TRAFD1: variants seen among roughly 807,000 people sequenced by gnomAD.
TRAFD1 encodes the protein TRAF-type zinc finger domain-containing protein 1.
TRAFD1 carries 38 observed loss-of-function variants against 65.3 expected under a neutral mutation model. That is an observed-to-expected ratio of 0.58 (90% CI 0.45 to 0.76). TRAFD1 has a LOEUF of 0.76. TRAFD1 is among the 30% of genes least tolerant of loss of function. The pLI is 0.00. For synonymous variants in TRAFD1, 223 were observed against 257.2 expected (o/e 0.87, Z 1.27); for missense variants, 631 against 712.6 (o/e 0.89, Z 1.30).
Position 112,141,221 on chromosome 12 carries a change from C to T in TRAFD1, c.640C>T (p.Leu214=), listed in dbSNP as rs1316734694. The change falls in exon 5 of 12, where the codon CTG becomes TTG. Residue 214 remains leucine (L), a synonymous_variant. Coordinates refer to ENST00000412615, the MANE Select transcript of TRAFD1 (RefSeq NM_006700.3). ...ITAQVSIQNN[L]FEEQERQERN... ...AGCCCAGGTTTCAATTCAGAATAAT[C>T]TGTGTGAGTTGTGCTTGGGATTAGG... 1 of 1,613,700 alleles carries T rather than the reference C, an allele frequency of 6.2e-7. No homozygotes were observed. Among genetic ancestry groups the T allele is most frequent in the Admixed American group, 1.7e-5 (1 of 59,984 alleles).
At chr12:112,128,986 G>T in intron 1 of TRAFD1, among the ~76,000 whole-genome samples, 1 of 142,634 alleles carries the variant, frequency 7.0e-6, no homozygotes. Flanking sequence ...AGCCGAGATC[G>T]CACCACTGCA....
At chr12:112,146,995 T>TG (rs2030267188) in intron 7 of TRAFD1, among the ~76,000 whole-genome samples, 1 of 119,588 alleles carries the variant, frequency 8.4e-6, no homozygotes, top group African/African-American at 3.2e-5. Context: ...CTGTTTTTTT[T>TG]TTTTTTTTTT....
Position 112,152,886 on chromosome 12 carries a change from G to T in TRAFD1, c.*95G>T. 1 of 1,433,082 alleles carries T rather than the reference G, an allele frequency of 7.0e-7. No homozygotes were observed. The highest frequency in any genetic ancestry group is 9.6e-7 in the Non-Finnish European group (1 of 1,044,902). 88.8% of individuals were successfully genotyped at this position (1,433,082 alleles called of 1,614,324 possible). On this transcript the variant is annotated 3_prime_UTR_variant, in exon 12 of 12. Transcript: ENST00000412615. This position sits in a 1 kb window ranked among gnomAD's most constrained non-coding sequence, Gnocchi z 5.0. The stretch of plus-strand genomic sequence containing the variant: ...CACCTCTTTGGCTCTTTGGGTGGGA[G>T]AGTTTTTCCAGATTTTAGATTTTTC...
chr12:112,145,789 C>T, intron 7 of TRAFD1, 127 bp downstream of exon 7: 1 of 809,922 alleles, frequency 1.2e-6, no homozygotes, highest in Non-Finnish European at 2.0e-6. Flanking sequence ...AGCAAGTGTT[C>T]TTTTCCATGA....
chr12:112,150,441 G>A (rs184570224), intron 9 of TRAFD1, among the ~76,000 whole-genome samples: 1 of 152,164 alleles, frequency 6.6e-6, no homozygotes, highest in Non-Finnish European at 1.5e-5. Flanking sequence ...TAGAGATAGG[G>A]TCTTGCTATG....
intron 2 of TRAFD1, among the ~76,000 whole-genome samples, chr12:112,131,346 G>A (rs1335190804): frequency 2.6e-5 from 4 of 152,152 alleles, no homozygotes; most frequent in African/African-American, 9.6e-5. Flanking sequence ...TATTTTATCA[G>A]TCCACTCCAA....
chr12:112,147,471 C>T (rs1313099295), intron 7 of TRAFD1, among the ~76,000 whole-genome samples: 1 of 151,946 alleles, frequency 6.6e-6, no homozygotes, highest in Non-Finnish European at 1.5e-5. Flanking sequence ...CATAGAAAAT[C>T]CATTAACAAA....
At chr12:112,151,564 TG>T (rs929331882) in intron 9 of TRAFD1, among the ~76,000 whole-genome samples, 7 of 152,018 alleles carry the variant, frequency 4.6e-5, no homozygotes, top group African/African-American at 1.7e-4. Context: ...TGGCTAATTT[TG>T]TATTTTTTTT....
In TRAFD1 at chr12:112,145,579, T is replaced by A; in HGVS notation, c.851-7T>A. On this transcript the variant is annotated splice_polypyrimidine_tract_variant and splice_region_variant and intron_variant, in intron 6 of 11. Transcript: ENST00000412615. ...TCCTGAGTCTCATTGTGTGGCCTAA[T>A]ACCTAGGTGCAGCTGACGAGATCAT... is the stretch of plus-strand genomic sequence containing the variant. The A allele has an allele frequency of 6.2e-7, 1 of 1,614,068 alleles. No individual in the cohort carries two copies. The highest frequency in any genetic ancestry group is 1.3e-5 in the African/African-American group (1 of 75,040).
rs1211764057 is a variant in TRAFD1, at chr12:112,152,264, G to A, written c.1619+124G>A. 7.1e-7 allele frequency: 1 copy of A among 1,409,116 alleles called. No individual in the cohort carries two copies. The highest frequency in any genetic ancestry group is 9.7e-7 in the Non-Finnish European group (1 of 1,034,654). The allele number at this position is 1,409,116 out of a possible 1,614,324, so 87.3% of individuals were successfully genotyped here. ...ACTTGCATGGTAAGGGGAGGAGTAT[G>A]GATTTTCCCTGTATTGTCACCTGAC... On this transcript the variant is annotated intron_variant, in intron 10 of 11. Transcript: ENST00000412615. The surrounding 1 kb of genome is among the most constrained non-coding windows in gnomAD (Gnocchi z 5.0).
At position 112,151,851 on chromosome 12, in the gene TRAFD1, G is replaced by GGGC; in HGVS notation, c.1331_1333dup (p.Gly444_Pro445insArg). 1 of 1,614,194 alleles carries GGGC rather than the reference G, an allele frequency of 6.2e-7. No homozygotes were observed. Among genetic ancestry groups the GGGC allele is most frequent in the African/African-American group, 1.3e-5 (1 of 75,042 alleles). On this transcript the variant is annotated inframe_insertion, in exon 10 of 12. Transcript: ENST00000412615. ...TGATACTAAGCAGGAAACAGCTAAT[G>GGGC]GGCCCACCTCCTGTCTGCCTCCCAG...
chr12:112,146,225 C>CAAAA (rs766339761), intron 7 of TRAFD1, among the ~76,000 whole-genome samples: 2 of 66,820 alleles, frequency 3.0e-5, no homozygotes, highest in African/African-American at 5.7e-5. Flanking sequence ...GAAATAACAG[C>CAAAA]AAAAAAAAAA....
At chr12:112,128,482 C>T (rs1409588081) in intron 1 of TRAFD1, among the ~76,000 whole-genome samples, 1 of 152,116 alleles carries the variant, frequency 6.6e-6, no homozygotes, top group Non-Finnish European at 1.5e-5. Flanking sequence ...GTAAAGTTGC[C>T]AGTGCTTTGC....
chr12:112,133,783 C>T (rs1460873489), intron 2 of TRAFD1, among the ~76,000 whole-genome samples: 2 of 150,968 alleles, frequency 1.3e-5, no homozygotes, highest in East Asian at 3.9e-4. Context: ...CAGCTTTCTG[C>T]AACCTCTGCC....
At chr12:112,149,919 T>C in intron 9 of TRAFD1, 48 bp downstream of exon 9, 2 of 1,608,108 alleles carry the variant, frequency 1.2e-6, no homozygotes, top group South Asian at 1.1e-5. Context: ...TACTGCTGGC[T>C]CCGGCCTGTT....
intron 4 of TRAFD1, among the ~76,000 whole-genome samples, chr12:112,136,907 T>C (rs2029927340): frequency 6.6e-6 from 1 of 152,220 alleles, no homozygotes; most frequent in South Asian, 2.1e-4. Context: ...CTGGCCAACG[T>C]TGAATGAGTA....
Position 112,152,880 on chromosome 12 carries a change from G to A in TRAFD1, c.*89G>A, listed in dbSNP as rs1042202329. On this transcript the variant is annotated 3_prime_UTR_variant, in exon 12 of 12. Transcript: ENST00000412615. This position sits in a 1 kb window ranked among gnomAD's most constrained non-coding sequence, Gnocchi z 5.0. Reference sequence around the variant, plus strand: ...CAGGCCCACCTCTTTGGCTCTTTGGGTGGGAGAGTTTTTCCAGATTTTAGA... The same window carrying A: ...CAGGCCCACCTCTTTGGCTCTTTGGATGGGAGAGTTTTTCCAGATTTTAGA... 6.8e-7 allele frequency: 1 copy of A among 1,472,706 alleles called. No individual in the cohort carries two copies. The allele number at this position is 1,472,706 out of a possible 1,614,324, so 91.2% of individuals were successfully genotyped here. A position where few individuals can be genotyped will look rare whatever the true frequency, so the allele number is the denominator to read the frequency against.
chr12:112,146,997 T>G (rs982483094), intron 7 of TRAFD1, among the ~76,000 whole-genome samples: 14 of 120,596 alleles, frequency 1.2e-4, no homozygotes, highest in African/African-American at 4.2e-4. Context: ...GTTTTTTTTT[T>G]TTTTTTTTTT....
chr12:112,143,775 G>A (rs537222449), intron 6 of TRAFD1, among the ~76,000 whole-genome samples: 64 of 127,028 alleles, frequency 5.0e-4, no homozygotes, highest in African/African-American at 1.9e-3. Context: ...CTCTGTCACC[G>A]AGGCTGGAGT....
Sources: allele counts gnomAD v4.1 joint callset (sites outside exome capture counted in the v4.1 genomes callset), GRCh38; gene constraint gnomAD v4.1.1; non-coding constraint Gnocchi (gnomAD v3.1); transcripts MANE v1.5; gene names NCBI Gene and HGNC (gene_info 2026-07-23, HGNC 2026-07-21).